The following CDYL2 variants were observed in gnomAD, a reference collection of about 807,000 sequenced individuals.
CDYL2 encodes the protein chromodomain Y-like protein 2.
Under a neutral mutation model 49.4 loss-of-function variants are expected in CDYL2, and 23 were observed. That is an observed-to-expected ratio of 0.47 (90% CI 0.34 to 0.66). CDYL2 has a LOEUF of 0.66. CDYL2 is among the 30% of genes least tolerant of loss of function. The probability of loss-of-function intolerance (pLI) is 0.01; values close to 1 mark genes in which losing one functional copy is unlikely to be tolerated. For missense variants in CDYL2, 678 were observed against 656.4 expected (o/e 1.03, Z -0.36); for synonymous variants, 360 against 268.8 (o/e 1.34, Z -3.32).
chr16:80,694,666 T>C (rs1338563262), intron 1 of CDYL2, among the ~76,000 whole-genome samples: 3 of 152,168 alleles, frequency 2.0e-5, no homozygotes, highest in Non-Finnish European at 4.4e-5. Context: ...TTCCTACATC[T>C]TTCCTCTGAG....
At chr16:80,802,700 A>C (rs1257447086) in intron 1 of CDYL2, among the ~76,000 whole-genome samples, 1 of 152,186 alleles carries the variant, frequency 6.6e-6, no homozygotes, top group Non-Finnish European at 1.5e-5. Context: ...CACCAACTCC[A>C]GAATCATTCA....
chr16:80,764,933 G>A (rs1461437146), intron 1 of CDYL2, among the ~76,000 whole-genome samples: 1 of 150,926 alleles, frequency 6.6e-6, no homozygotes, highest in Admixed American at 6.6e-5. Context: ...AGTGGTTGGC[G>A]CCTGTAGTCC....
At chr16:80,721,132 CA>C (rs1904984829) in intron 1 of CDYL2, among the ~76,000 whole-genome samples, 1 of 152,112 alleles carries the variant, frequency 6.6e-6, no homozygotes, top group Non-Finnish European at 1.5e-5. Flanking sequence ...ACAAGAAGTA[CA>C]AAAATCCCAG....
intron 1 of CDYL2, among the ~76,000 whole-genome samples, chr16:80,761,438 C>T (rs933965344): frequency 2.6e-5 from 4 of 152,156 alleles, no homozygotes; most frequent in African/African-American, 7.2e-5. Flanking sequence ...GAGAGCTTGA[C>T]GTCTAGTAAA....
intron 1 of CDYL2, among the ~76,000 whole-genome samples, chr16:80,728,741 C>T (rs1270661129): frequency 2.6e-5 from 4 of 152,136 alleles, no homozygotes; most frequent in Non-Finnish European, 4.4e-5. Flanking sequence ...AGACTAACAG[C>T]GAGCGGATCT....
chr16:80,775,691 T>C (rs533299276), intron 1 of CDYL2, among the ~76,000 whole-genome samples: 1 of 152,046 alleles, frequency 6.6e-6, no homozygotes, highest in Non-Finnish European at 1.5e-5. Context: ...TATCAATATT[T>C]GCAATAAATA....
At position 80,772,462 on chromosome 16, in the gene CDYL2, A is replaced by T. The variant is rs1045234530; in HGVS notation, c.24+31688T>A. Among the ~76,000 whole-genome samples, 64 of 152,238 alleles carry T rather than the reference A, an allele frequency of 4.2e-4. No individual in the cohort carries two copies. In the Middle Eastern group the frequency reaches 0.01, roughly 24 times the overall value. On this transcript the variant is annotated intron_variant, in intron 1 of 6. Transcript: ENST00000570137. ...GAATAGTGCAAATTGCAATTTTTTT[A>T]TTTTTTGGGAGACGGAGTCTCCCTC...
At chr16:80,666,261 C>A in intron 2 of CDYL2, among the ~76,000 whole-genome samples, 1 of 152,186 alleles carries the variant, frequency 6.6e-6, no homozygotes, top group Non-Finnish European at 1.5e-5. Flanking sequence ...ATGCTACCTG[C>A]AAAATGAGAG....
At chr16:80,669,901 C>A (rs921757702) in intron 2 of CDYL2, among the ~76,000 whole-genome samples, 2 of 152,186 alleles carry the variant, frequency 1.3e-5, no homozygotes, top group African/African-American at 4.8e-5. Flanking sequence ...GCGGCCACGA[C>A]CCTGCCCAGC....
intron 1 of CDYL2, among the ~76,000 whole-genome samples, chr16:80,734,896 T>C (rs1469792819): frequency 6.6e-6 from 1 of 152,188 alleles, no homozygotes; most frequent in Non-Finnish European, 1.5e-5. Context: ...CTGACAATCC[T>C]TGGTCCTCCC....
chr16:80,734,753 G>A (rs912087996), intron 1 of CDYL2, among the ~76,000 whole-genome samples: 1 of 152,196 alleles, frequency 6.6e-6, no homozygotes, highest in Non-Finnish European at 1.5e-5. Context: ...TGCAGGTGTT[G>A]AATGGATCAC....
intron 1 of CDYL2, among the ~76,000 whole-genome samples, chr16:80,687,795 T>G (rs973511077): frequency 6.6e-6 from 1 of 152,234 alleles, no homozygotes; most frequent in African/African-American, 2.4e-5. Context: ...AGATGACTCA[T>G]AGAGCAAGGC....
At chr16:80,667,854 C>G (rs931790532) in intron 2 of CDYL2, among the ~76,000 whole-genome samples, 31 of 152,292 alleles carry the variant, frequency 2.0e-4, no homozygotes, top group African/African-American at 7.0e-4. Flanking sequence ...ATATCTGCAT[C>G]TTATAAATTA....
intron 2 of CDYL2, among the ~76,000 whole-genome samples, chr16:80,677,142 T>C (rs1005210590): frequency 2.0e-5 from 3 of 151,690 alleles, no homozygotes; most frequent in Non-Finnish European, 4.4e-5. Context: ...GGCTAATTTT[T>C]GTATTTTTTT....
In CDYL2 at chr16:80,603,770, T is replaced by A. The variant is rs764528338; in HGVS notation, c.*618A>T. ...CACATAAATTATCAGAATTTCCACT[T>A]ACATTGTTTTAAAAATATATATTTA... On this transcript the variant is annotated 3_prime_UTR_variant, in exon 7 of 7. Transcript: ENST00000570137. 4 of 152,696 alleles carry A rather than the reference T, an allele frequency of 2.6e-5. No individual in the cohort carries two copies. The highest frequency in any genetic ancestry group is 5.9e-5 in the Non-Finnish European group (4 of 68,050). The allele number at this position is 152,696 out of a possible 1,614,324, so 9.5% of individuals were successfully genotyped here.
At chr16:80,686,395 AG>A (rs1405785894) in intron 1 of CDYL2, among the ~76,000 whole-genome samples, 51 of 152,366 alleles carry the variant, frequency 3.3e-4, no homozygotes, top group African/African-American at 1.1e-3. Flanking sequence ...TCAATGAAAA[AG>A]TAAGCAGTTA....
At chr16:80,701,232 C>T (rs1236373308) in intron 1 of CDYL2, among the ~76,000 whole-genome samples, 1 of 152,150 alleles carries the variant, frequency 6.6e-6, no homozygotes, top group East Asian at 1.9e-4. Flanking sequence ...AGTATGATCC[C>T]ATTTATGTCA....
At chr16:80,709,346 C>G (rs1015542218) in intron 1 of CDYL2, among the ~76,000 whole-genome samples, 1 of 146,800 alleles carries the variant, frequency 6.8e-6, no homozygotes, top group Non-Finnish European at 1.5e-5. Flanking sequence ...CGTGCCATTG[C>G]ACTCCAGCCT....
chr16:80,649,743 G>A (rs532787288), intron 2 of CDYL2, among the ~76,000 whole-genome samples: 11 of 152,114 alleles, frequency 7.2e-5, no homozygotes, highest in Non-Finnish European at 1.3e-4. Context: ...AACCAAAACA[G>A]CACGGTACTG....
Sources: gnomAD v4.1 joint callset for allele counts (sites outside exome capture counted in the v4.1 genomes callset) on GRCh38, gnomAD v4.1.1 for gene constraint, MANE v1.5 for transcripts, NCBI Gene and HGNC (gene_info 2026-07-23, HGNC 2026-07-21) for gene names.